The following TMEM114 variants were observed in gnomAD, a reference collection of about 807,000 sequenced individuals.
The protein encoded by TMEM114 is claudin-26.
In TMEM114, 6 loss-of-function variants were observed where a neutral mutation model predicts 6.2. That is an observed-to-expected ratio of 0.97 (90% CI 0.53 to 1.91). TMEM114 has a LOEUF of 1.91. Among genes scored for constraint, TMEM114 ranks in the 40% most tolerant of loss-of-function variants. TMEM114 has a pLI of 0.01. For synonymous variants in TMEM114, 104 were observed against 73.0 expected (o/e 1.42, Z -2.16); for missense variants, 218 against 158.3 (o/e 1.38, Z -2.02).
chr16:8,529,261 C>T, the TMEM114 span, among the ~76,000 whole-genome samples: 36 of 152,242 alleles, frequency 2.4e-4, no homozygotes, highest in African/African-American at 8.7e-4. Flanking sequence ...TGTGTGCATC[C>T]CTGGAGCTAA....
At chr16:8,542,761 G>T (rs942838287) in intron 2 of TMEM114, among the ~76,000 whole-genome samples, 10 of 151,996 alleles carry the variant, frequency 6.6e-5, no homozygotes, top group Non-Finnish European at 1.3e-4. Flanking sequence ...TTATCTGAGG[G>T]AACTGGGATA....
At chr16:8,585,090 C>T (rs968055431) in intron 2 of TMEM114, among the ~76,000 whole-genome samples, 1 of 152,160 alleles carries the variant, frequency 6.6e-6, no homozygotes, top group Admixed American at 6.5e-5. Context: ...AGCAAAGTCA[C>T]GTCTTACATG....
intron 2 of TMEM114, among the ~76,000 whole-genome samples, chr16:8,560,938 T>C (rs1901178104): frequency 1.3e-5 from 2 of 152,190 alleles, no homozygotes; most frequent in South Asian, 4.1e-4. Flanking sequence ...CTCACAATCA[T>C]GGCAGAAGGC....
downstream of TMEM114, among the ~76,000 whole-genome samples, chr16:8,535,789 G>A (rs797016234): frequency 2.1e-4 from 32 of 152,314 alleles, no homozygotes; most frequent in African/African-American, 6.7e-4. Context: ...GCCCTGCCAT[G>A]TTTCATGTGC....
At chr16:8,554,867 G>C (rs558886308) in intron 2 of TMEM114, among the ~76,000 whole-genome samples, 1 of 152,210 alleles carries the variant, frequency 6.6e-6, no homozygotes. Flanking sequence ...GAGGGACGAA[G>C]AGCTTAAGCA....
At chr16:8,548,728 T>C (rs1900750440) in intron 2 of TMEM114, among the ~76,000 whole-genome samples, 1 of 133,746 alleles carries the variant, frequency 7.5e-6, no homozygotes, top group African/African-American at 3.2e-5. Context: ...TACACCCATA[T>C]ATGGAAAATA....
Position 8,571,981 on chromosome 16 carries a change from C to T in TMEM114, c.439+106G>A, listed in dbSNP as rs988311531. The T allele has an allele frequency of 2.7e-5, 36 of 1,344,520 alleles. No homozygotes were observed. The African/African-American group carries it at 4.8e-4, about 18-fold the overall frequency. 83.3% of individuals were successfully genotyped at this position (1,344,520 alleles called of 1,614,324 possible). On this transcript the variant is annotated intron_variant, in intron 3 of 3. Coordinates refer to ENST00000620492, the MANE Select transcript of TMEM114 (RefSeq NM_001146336.2). ...GATATCCCAGAAGGGGAAACTGAAC[C>T]CCACGAGGCCCTGGGATCCCCCTCG...
intron 2 of TMEM114, among the ~76,000 whole-genome samples, chr16:8,558,205 G>A (rs1308973358): frequency 2.0e-5 from 3 of 152,228 alleles, no homozygotes; most frequent in South Asian, 2.1e-4. Context: ...GTGAGCACAC[G>A]CCACTTCACT....
intron 2 of TMEM114, among the ~76,000 whole-genome samples, chr16:8,574,605 C>CTTTCTTTCTTTCTTT (rs1901856498): frequency 7.2e-6 from 1 of 138,198 alleles, no homozygotes; most frequent in Non-Finnish European, 1.6e-5. Context: ...TTCTTTCTTT[C>CTTTCTTTCTTTCTTT]TTTTTCAGGG....
chr16:8,560,850 A>T, intron 2 of TMEM114, among the ~76,000 whole-genome samples: 1 of 152,206 alleles, frequency 6.6e-6, no homozygotes, highest in South Asian at 2.1e-4. Flanking sequence ...CACTGTTGGT[A>T]AAGACATACC....
chr16:8,555,311 G>C (rs754754468), intron 2 of TMEM114, among the ~76,000 whole-genome samples: 1 of 152,246 alleles, frequency 6.6e-6, no homozygotes, highest in Non-Finnish European at 1.5e-5. Context: ...CAGGGTTGCA[G>C]CTCCGTGACT....
chr16:8,544,019 G>A (rs185606036), intron 2 of TMEM114, among the ~76,000 whole-genome samples: 38 of 152,300 alleles, frequency 2.5e-4, no homozygotes, highest in East Asian at 1.9e-4. Flanking sequence ...GCCAGGAAGC[G>A]CAACGCTAAA....
Position 8,562,526 on chromosome 16 carries a change from T to TGAGTGAGTGAGTGAATGAGTGAGTG in TMEM114, n.213-24701_213-24700insCACTCACTCATTCACTCACTCACTC, listed in dbSNP as rs1465142445. Among the ~76,000 whole-genome samples the TGAGTGAGTGAGTGAATGAGTGAGTG allele has an allele frequency of 1.1e-4, 14 of 127,142 alleles. 1 individual carries two copies. Among genetic ancestry groups the TGAGTGAGTGAGTGAATGAGTGAGTG allele is most frequent in the Admixed American group, 2.3e-4 (3 of 12,930 alleles). 83.4% of individuals were successfully genotyped at this position (127,142 alleles called of 152,430 possible). On this transcript the variant is annotated intron_variant and non_coding_transcript_variant, in intron 2 of 2. Coordinates refer to the TMEM114 transcript ENST00000623677. ...TAAATGAGTGACTGAATGAGTGAGT[T>TGAGTGAGTGAGTGAATGAGTGAGTG]AATGAGTGAGTGAGTGAATGAGTGA...
chr16:8,577,814 T>C (rs1189785810), intron 2 of TMEM114, among the ~76,000 whole-genome samples: 2 of 152,188 alleles, frequency 1.3e-5, no homozygotes, highest in Non-Finnish European at 2.9e-5. Context: ...CTTGAACTCC[T>C]GACCTCAAGT....
chr16:8,582,501 G>C (rs1461703084), intron 2 of TMEM114, among the ~76,000 whole-genome samples: 1 of 152,168 alleles, frequency 6.6e-6, no homozygotes, highest in Non-Finnish European at 1.5e-5. Context: ...AACAGGCTAG[G>C]AGCTCCTCTG....
At chr16:8,558,253 G>C (rs1218073093) in intron 2 of TMEM114, among the ~76,000 whole-genome samples, 1 of 151,852 alleles carries the variant, frequency 6.6e-6, no homozygotes, top group Non-Finnish European at 1.5e-5. Flanking sequence ...GTCTCAAAAA[G>C]AAAAAGAAAA....
chr16:8,581,759 T>A (rs928683230), intron 2 of TMEM114, among the ~76,000 whole-genome samples: 4 of 152,384 alleles, frequency 2.6e-5, no homozygotes, highest in Middle Eastern at 6.8e-3. Flanking sequence ...CAGCCAGAAG[T>A]GGACTTACTT....
chr16:8,561,916 G>C (rs578021531), intron 2 of TMEM114, among the ~76,000 whole-genome samples: 4 of 132,610 alleles, frequency 3.0e-5, no homozygotes, highest in African/African-American at 5.5e-5. Context: ...GAATGAATGA[G>C]TAAGTGAATG....
intron 2 of TMEM114, among the ~76,000 whole-genome samples, chr16:8,564,493 G>C (rs1373495035): frequency 2.2e-5 from 3 of 137,798 alleles, no homozygotes; most frequent in Admixed American, 6.9e-5. Flanking sequence ...GAATGAATGA[G>C]TGAATGAGTG....
Sources: allele counts gnomAD v4.1 joint callset (sites outside exome capture counted in the v4.1 genomes callset), GRCh38; gene constraint gnomAD v4.1.1; transcripts MANE v1.5; gene names NCBI Gene and HGNC (gene_info 2026-07-23, HGNC 2026-07-21).